Variants in RNFT2 observed in about 807,000 individuals in gnomAD.
The protein encoded by RNFT2 is ring finger protein, transmembrane 2.
A neutral mutation model predicts 53.0 loss-of-function variants in RNFT2; 36 were observed. That is an observed-to-expected ratio of 0.68 (90% confidence interval 0.52 to 0.90). The LOEUF (loss-of-function observed/expected upper bound fraction) is 0.90. Ranked by LOEUF, RNFT2 falls within the 40% of genes least tolerant of loss-of-function variation. The pLI is 0.00. For missense variants in RNFT2, 514 were observed against 585.6 expected, an observed-to-expected ratio of 0.88 and a Z score of 1.26; for synonymous variants, 260 against 253.2, an observed-to-expected ratio of 1.03 and a Z score of -0.26.
intron 3 of RNFT2, among the ~76,000 whole-genome samples, chr12:116,743,221 AAAAAAAAAAAAAAAAAAAAAAAAC>A (rs1430823646): frequency 2.0e-5 from 2 of 101,902 alleles, no homozygotes; most frequent in Non-Finnish European, 2.0e-5. Flanking sequence ...TCTAAAAAAA[AAAAAAAAAAAAAAAAAAAAAAAAC>A]CGGTTAAAAA....
At position 116,851,754 on chromosome 12, in the gene RNFT2, A is replaced by G; in HGVS notation, c.*2306A>G. The G allele has an allele frequency of 1.3e-6, 1 of 742,890 alleles. No homozygotes were observed. The highest frequency in any genetic ancestry group is 1.5e-5 in the South Asian group (1 of 66,842). 46.0% of individuals were successfully genotyped at this position (742,890 alleles called of 1,614,324 possible). A position where few individuals can be genotyped will look rare whatever the true frequency, so the allele number is the denominator to read the frequency against. Reference sequence around the variant, plus strand: ...AGTGAGACTCTGTCTAAAAAAAAAAAGAAAGAAAGAAGGGAGGGAGGGAGG... The same window carrying G: ...AGTGAGACTCTGTCTAAAAAAAAAAGGAAAGAAAGAAGGGAGGGAGGGAGG... On this transcript the variant is annotated 3_prime_UTR_variant, in exon 11 of 11. Transcript: ENST00000257575.
chr12:116,744,729 G>A (rs2137064918), intron 3 of RNFT2, among the ~76,000 whole-genome samples: 1 of 152,314 alleles, frequency 6.6e-6, no homozygotes, highest in South Asian at 2.1e-4. Context: ...CAGTCAGGCT[G>A]AAATCTCGGC....
At chr12:116,828,804 CAA>C (rs1279273302) in intron 7 of RNFT2, among the ~76,000 whole-genome samples, 2 of 151,912 alleles carry the variant, frequency 1.3e-5, no homozygotes, top group Non-Finnish European at 2.9e-5. Context: ...AGGAAGGAAA[CAA>C]GAGTGATCTA....
chr12:116,763,484 C>T (rs1036906683), intron 5 of RNFT2, among the ~76,000 whole-genome samples: 5 of 151,964 alleles, frequency 3.3e-5, no homozygotes, highest in Non-Finnish European at 7.4e-5. Flanking sequence ...AAAAGTAGAA[C>T]TAGGTGGGGC....
At chr12:116,841,908 AATATATATATAAAAAT>A (rs1352792017) in intron 10 of RNFT2, among the ~76,000 whole-genome samples, 3 of 39,156 alleles carry the variant, frequency 7.7e-5, no homozygotes, top group African/African-American at 2.1e-4. Context: ...TATATATATA[AATATATATATAAAAAT>A]ATATATATAT....
chr12:116,746,696 C>T (rs1198567884), intron 3 of RNFT2, among the ~76,000 whole-genome samples: 3 of 152,112 alleles, frequency 2.0e-5, no homozygotes, highest in Admixed American at 6.6e-5. Flanking sequence ...TAATCCAGGG[C>T]GCCTGGCAAC....
chr12:116,834,156 T>C (rs1372215048), intron 8 of RNFT2, among the ~76,000 whole-genome samples: 1 of 152,206 alleles, frequency 6.6e-6, no homozygotes, highest in Non-Finnish European at 1.5e-5. Context: ...TCTCACTCTG[T>C]CTCCCAGGCT....
intron 7 of RNFT2, among the ~76,000 whole-genome samples, chr12:116,818,678 T>C (rs142316057): frequency 3.3e-4 from 51 of 152,320 alleles, no homozygotes; most frequent in African/African-American, 8.7e-4. Flanking sequence ...TTCCTCTTTT[T>C]CTGGGGAAGG....
At position 116,852,224 on chromosome 12, in the gene RNFT2, C is replaced by G. The variant is rs1198351857; in HGVS notation, c.*2776C>G. On this transcript the variant is annotated 3_prime_UTR_variant, in exon 11 of 11. Transcript: ENST00000257575. ...CCAATGGCATTACAGAGAAAGCAATCTGTGTGGCTAGTGGGCAGATTACCA... is the reference window on the plus strand; with the variant it reads ...CCAATGGCATTACAGAGAAAGCAATGTGTGTGGCTAGTGGGCAGATTACCA... 3 of 1,275,800 alleles carry G rather than the reference C, an allele frequency of 2.4e-6. No homozygotes were observed. Among genetic ancestry groups the G allele is most frequent in the Non-Finnish European group, 3.0e-6 (3 of 1,003,798 alleles). 79.0% of individuals were successfully genotyped at this position (1,275,800 alleles called of 1,614,324 possible).
intron 7 of RNFT2, among the ~76,000 whole-genome samples, chr12:116,824,448 C>A (rs1876217089): frequency 6.6e-6 from 1 of 152,162 alleles, no homozygotes; most frequent in Non-Finnish European, 1.5e-5. Flanking sequence ...GTATCTCTTT[C>A]TCATGTAAAG....
At chr12:116,792,074 G>A (rs749035535) in intron 7 of RNFT2, among the ~76,000 whole-genome samples, 2 of 151,992 alleles carry the variant, frequency 1.3e-5, no homozygotes, top group Admixed American at 6.6e-5. Flanking sequence ...TGTTTTTTGA[G>A]ACAGAGTCTC....
At chr12:116,805,607 T>C (rs1281614688) in intron 7 of RNFT2, among the ~76,000 whole-genome samples, 1 of 152,190 alleles carries the variant, frequency 6.6e-6, no homozygotes, top group Admixed American at 6.5e-5. Flanking sequence ...CCTGAGTAGC[T>C]GGGACCACAG....
rs182157481 is a variant in RNFT2, at chr12:116,781,335, G to C, written c.882+1987G>C. Among the ~76,000 whole-genome samples the C allele has an allele frequency of 2.3e-3, 352 of 152,280 alleles. 4 individuals carry two copies. The highest frequency in any genetic ancestry group is 2.9e-3 in the Non-Finnish European group (198 of 68,024). On this transcript the variant is annotated intron_variant, in intron 7 of 10. Coordinates refer to ENST00000257575, the MANE Select transcript of RNFT2 (RefSeq NM_001382266.1). ...CCTGTGCCCATCAGCTTCCAGTTGG[G>C]TTCAGCTGATGGGAAGCCCAAGAGG...
chr12:116,794,817 C>T (rs996986401), intron 7 of RNFT2, among the ~76,000 whole-genome samples: 4 of 151,980 alleles, frequency 2.6e-5, no homozygotes, highest in African/African-American at 7.3e-5. Context: ...GCATGGAGTT[C>T]GGCTCGGCCA....
rs145937056 is a variant in RNFT2 at position 116,853,401 on chromosome 12, C to A, written c.*3953C>A. ...AATAAATGTGAGGGAATAAGAAAGGCAAGCTTTGGACACAGATATGATAGG... is the reference window on the plus strand; with the variant it reads ...AATAAATGTGAGGGAATAAGAAAGGAAAGCTTTGGACACAGATATGATAGG... On this transcript the variant is annotated 3_prime_UTR_variant, in exon 11 of 11. Coordinates refer to ENST00000257575, the MANE Select transcript of RNFT2 (RefSeq NM_001382266.1). 9.0e-5 allele frequency: 35 copies of A among 387,932 alleles called. No homozygotes were observed. Among genetic ancestry groups the A allele is most frequent in the African/African-American group, 7.2e-4 (35 of 48,536 alleles). The allele number at this position is 387,932 out of a possible 1,614,324, so 24.0% of individuals were successfully genotyped here. A position where few individuals can be genotyped will look rare whatever the true frequency, so the allele number is the denominator to read the frequency against.
intron 10 of RNFT2, among the ~76,000 whole-genome samples, chr12:116,848,745 G>A (rs1343655697): frequency 2.6e-5 from 4 of 152,012 alleles, no homozygotes; most frequent in African/African-American, 7.3e-5. Flanking sequence ...CAGTATCTCC[G>A]TAAAGTTGTC....
At chr12:116,832,138 A>ATATAT (rs1479850265) in intron 7 of RNFT2, among the ~76,000 whole-genome samples, 7 of 60,080 alleles carry the variant, frequency 1.2e-4, no homozygotes, top group African/African-American at 4.1e-4. Context: ...CTCAAAAAAA[A>ATATAT]AAAAAAAAAA....
rs370224894 is a variant in RNFT2 at position 116,804,241 on chromosome 12, C to G, written c.882+24893C>G. ...TTGAGGTTTGTGTGTATTCTTGCTTCTCAAAGTGCAGTCCCTGGACCAGTA... is the reference window on the plus strand; with the variant it reads ...TTGAGGTTTGTGTGTATTCTTGCTTGTCAAAGTGCAGTCCCTGGACCAGTA... On this transcript the variant is annotated intron_variant, in intron 7 of 10. Transcript: ENST00000257575. Among the ~76,000 whole-genome samples the G allele has an allele frequency of 1.6e-4, 24 of 152,336 alleles. 1 individual carries two copies. The East Asian group carries it at 4.6e-3, about 29-fold the overall frequency.
At chr12:116,817,083 G>T (rs139793020) in intron 7 of RNFT2, among the ~76,000 whole-genome samples, 102 of 152,332 alleles carry the variant, frequency 6.7e-4, no homozygotes, top group African/African-American at 2.3e-3. Context: ...TGCGATCGCA[G>T]CTCACCGCAA....
Sources: gnomAD v4.1 joint callset for allele counts (sites outside exome capture counted in the v4.1 genomes callset) on GRCh38, gnomAD v4.1.1 for gene constraint, MANE v1.5 for transcripts, NCBI Gene and HGNC (gene_info 2026-07-23, HGNC 2026-07-21) for gene names.